PPP1R12A: variants seen among roughly 807,000 people sequenced by gnomAD.
PPP1R12A encodes the protein protein phosphatase 1 regulatory subunit 12A.
In PPP1R12A, 19 loss-of-function variants were observed where a neutral mutation model predicts 139.6. The observed-to-expected ratio is 0.14, with a 90% CI of 0.09 to 0.20. The LOEUF (loss-of-function observed/expected upper bound fraction) is 0.20. PPP1R12A is among the 10% of genes least tolerant of loss of function. The pLI is 1.00. For missense variants in PPP1R12A, 925 were observed against 1,211.5 expected (o/e 0.76, Z 3.51); for synonymous variants, 427 against 420.6 (o/e 1.02, Z -0.19).
intron 2 of PPP1R12A, chr12:79,848,746 A>G (rs1879702328): frequency 1.3e-5 from 2 of 152,208 alleles, no homozygotes; most frequent in African/African-American, 4.8e-5. Flanking sequence ...ACAAAGGCAC[A>G]TTTGAAAAAA....
chr12:79,935,207 C>G (rs1017318788), upstream of PPP1R12A: 8 of 1,302,708 alleles, frequency 6.1e-6, no homozygotes, highest in Non-Finnish European at 7.8e-6. Context: ...TCGCGAGATC[C>G]GGACTGGGAG....
At chr12:79,934,248 C>G (rs1182229036) in intron 1 of PPP1R12A, among the ~76,000 whole-genome samples, 2 of 152,198 alleles carry the variant, frequency 1.3e-5, no homozygotes. Context: ...CAATGCCCAC[C>G]TACAAGTCAA....
intron 21 of PPP1R12A, 70 bp from the exon 22 acceptor site, chr12:79,786,548 T>TATTTA (rs1871155402): frequency 1.0e-6 from 1 of 980,028 alleles, no homozygotes; most frequent in Admixed American, 2.9e-5. Flanking sequence ...TCTCATTGAT[T>TATTTA]ACTTTGCAAT....
chr12:79,870,070 A>G (rs1234833659), intron 2 of PPP1R12A, among the ~76,000 whole-genome samples: 1 of 152,008 alleles, frequency 6.6e-6, no homozygotes, highest in Admixed American at 6.6e-5. Flanking sequence ...CATTAGTGAA[A>G]TTAACTGCTG....
At chr12:79,852,525 T>C (rs1305217726) in intron 2 of PPP1R12A, among the ~76,000 whole-genome samples, 1 of 152,046 alleles carries the variant, frequency 6.6e-6, no homozygotes, top group Non-Finnish European at 1.5e-5. Context: ...TCTGCACACT[T>C]TGGGTATTAT....
intron 2 of PPP1R12A, among the ~76,000 whole-genome samples, chr12:79,862,893 T>C (rs1405241267): frequency 6.6e-6 from 1 of 152,198 alleles, no homozygotes; most frequent in Non-Finnish European, 1.5e-5. Context: ...GAAAACACTC[T>C]GCAGGATATT....
At chr12:79,814,091 A>T (rs1874941260) in intron 9 of PPP1R12A, among the ~76,000 whole-genome samples, 1 of 152,212 alleles carries the variant, frequency 6.6e-6, no homozygotes, top group Non-Finnish European at 1.5e-5. Context: ...ACTTGAAAAA[A>T]TTTTAAAAAA....
chr12:79,934,283 G>A (rs1719643083), intron 1 of PPP1R12A, among the ~76,000 whole-genome samples: 1 of 152,116 alleles, frequency 6.6e-6, no homozygotes, highest in Admixed American at 6.5e-5. Context: ...CTAACCGTCC[G>A]TAATGCCCCT....
Position 79,845,398 on chromosome 12 carries a change from G to A in PPP1R12A, c.391C>T (p.His131Tyr), listed in dbSNP as rs147827390. The change falls in exon 3 of 25, where the codon CAT (histidine) becomes TAT (tyrosine). Residue 131 changes from histidine to tyrosine, a missense_variant. By Grantham distance (83) the His-to-Tyr change is moderately conservative. Around this residue, in one of 4 missense-constraint regions of PPP1R12A, gnomAD observed 199 missense variants for 352.4 expected, o/e 0.56. Coordinates refer to ENST00000450142, the MANE Select transcript of PPP1R12A (RefSeq NM_002480.3). ...IAEFLIGQGAHVGAVNSEGDT... is the reference protein window; with the variant it reads ...IAEFLIGQGAYVGAVNSEGDT... ...CCTTCACTGTTGACAGCCCCTACAT[G>A]TGCTCCTTGACCAATCAAAAACCTG... 6.2e-4 allele frequency: 993 copies of A among 1,612,940 alleles called. 1 individual carries two copies. The highest frequency in any genetic ancestry group is 7.7e-4 in the Non-Finnish European group (903 of 1,179,258).
At chr12:79,870,824 A>G (rs1882491416) in intron 2 of PPP1R12A, among the ~76,000 whole-genome samples, 1 of 152,216 alleles carries the variant, frequency 6.6e-6, no homozygotes, top group Non-Finnish European at 1.5e-5. Context: ...TAAAAGCTGA[A>G]TATGCCAAGA....
intron 1 of PPP1R12A, among the ~76,000 whole-genome samples, chr12:79,877,591 A>G (rs534025188): frequency 6.6e-6 from 1 of 152,214 alleles, no homozygotes; most frequent in Admixed American, 6.5e-5. Context: ...TCTCGGCTCA[A>G]TGCAACCTCC....
At chr12:79,833,831 TG>T (rs1328617797) in intron 3 of PPP1R12A, among the ~76,000 whole-genome samples, 4 of 127,370 alleles carry the variant, frequency 3.1e-5, no homozygotes, top group Non-Finnish European at 6.6e-5. Context: ...AGTGAGACTT[TG>T]CCTCAAAGAA....
intron 8 of PPP1R12A, chr12:79,819,308 A>G (rs1424253360): frequency 6.6e-6 from 1 of 152,242 alleles, no homozygotes; most frequent in East Asian, 1.9e-4. Context: ...AAAAGATAGC[A>G]GAAGATTTGC....
chr12:79,781,850 A>G lies in PPP1R12A; in HGVS notation c.2920T>C (p.Phe974Leu). ...LEKATQRQERFADRSLLEMEK... is the reference protein window; with the variant it reads ...LEKATQRQERLADRSLLEMEK... ...ATTTCCAACAGTGATCTATCAGCAA[A>G]TCTTTCTTGTCTCTGCAACAAAGTA... The change falls in exon 23 of 25, where the codon TTT becomes CTT. Residue 974 changes from phenylalanine to leucine, a missense_variant. This residue lies in a region of PPP1R12A where 315 missense variants were observed against 363.4 expected (regional missense o/e 0.87). Transcript: ENST00000450142. 1 of 1,543,786 alleles carries G rather than the reference A, an allele frequency of 6.5e-7. No homozygotes were observed.
intron 1 of PPP1R12A, among the ~76,000 whole-genome samples, chr12:79,920,141 T>A (rs1312730845): frequency 6.6e-6 from 1 of 152,258 alleles, no homozygotes; most frequent in East Asian, 1.9e-4. Flanking sequence ...TGGTCTTTTG[T>A]GACTGGCTTC....
intron 2 of PPP1R12A, 30 bp downstream of exon 2, chr12:79,872,778 G>C (rs770412373): frequency 2.1e-5 from 33 of 1,608,222 alleles, no homozygotes; most frequent in Non-Finnish European, 2.8e-5. Context: ...AACAGTATTA[G>C]AATAAAATGA....
Position 79,824,845 on chromosome 12 carries a change from G to T in PPP1R12A, c.793-2655C>A, listed in dbSNP as rs1876569791. On this transcript the variant is annotated intron_variant, in intron 5 of 24. Coordinates refer to ENST00000450142, the MANE Select transcript of PPP1R12A (RefSeq NM_002480.3). Reference sequence around the variant, plus strand: ...TGAGAACATGAAAACTTTATCAAGAGAACTATCTTAAAAGTAACTGCTTAA... The same window carrying T: ...TGAGAACATGAAAACTTTATCAAGATAACTATCTTAAAAGTAACTGCTTAA... 2.0e-5 allele frequency: 3 copies of T among 152,012 alleles called. No homozygotes were observed. The South Asian group carries it at 6.2e-4, about 31-fold the overall frequency. 9.4% of individuals were successfully genotyped at this position (152,012 alleles called of 1,614,324 possible).
chr12:79,921,358 C>T (rs1592837083), intron 1 of PPP1R12A, among the ~76,000 whole-genome samples: 1 of 152,022 alleles, frequency 6.6e-6, no homozygotes, highest in African/African-American at 2.4e-5. Context: ...GAATAATAGA[C>T]ATATGAGAAC....
chr12:79,793,863 C>T lies in PPP1R12A; in HGVS notation c.2649G>A (p.Gln883=). 1 of 1,576,636 alleles carries T rather than the reference C, an allele frequency of 6.3e-7. No individual in the cohort carries two copies. Among genetic ancestry groups the T allele is most frequent in the Non-Finnish European group, 8.6e-7 (1 of 1,157,096 alleles). Residue 883 remains glutamine (Q), a splice_region_variant and synonymous_variant, in exon 19 of 25, where the codon CAG becomes CAA. Transcript: ENST00000450142. The stretch of plus-strand genomic sequence containing the variant: ...CAATACAAAAAGTAATGGTATTTAC[C>T]TGAGTTTCTTTCTTATTGGATCCCT... ...TEEGSNKKET[Q]TDSISRYETS... is the part of the protein sequence containing the mutation.
Sources: gnomAD v4.1 joint callset for allele counts (sites outside exome capture counted in the v4.1 genomes callset) on GRCh38, gnomAD v4.1.1 for gene constraint, gnomAD v4.1.1 regional missense constraint, MANE v1.5 for transcripts, NCBI Gene and HGNC (gene_info 2026-07-23, HGNC 2026-07-21) for gene names.